FRMPD2: variants seen among roughly 807,000 people sequenced by gnomAD.
The protein encoded by FRMPD2 is FERM and PDZ domain-containing protein 2.
Under a neutral mutation model 140.1 loss-of-function variants are expected in FRMPD2, and 96 were observed. That is an observed-to-expected ratio of 0.69 (90% CI 0.58 to 0.81). The LOEUF (loss-of-function observed/expected upper bound fraction) is 0.81. Among genes scored for constraint, FRMPD2 ranks in the 40% least tolerant of loss-of-function variants. FRMPD2 has a pLI of 0.00. For missense variants in FRMPD2, 1,240 were observed against 1,447.4 expected (o/e 0.86, Z 2.32); for synonymous variants, 449 against 547.6 (o/e 0.82, Z 2.52).
chr10:48,209,981 A>AG (rs769141996), intron 13 of FRMPD2, among the ~76,000 whole-genome samples: 22 of 152,216 alleles, frequency 1.4e-4, no homozygotes, highest in Non-Finnish European at 2.9e-4. Flanking sequence ...GTGCATGTAT[A>AG]ATATAAAGCT....
intron 17 of FRMPD2, among the ~76,000 whole-genome samples, chr10:48,186,806 A>T (rs1185018266): frequency 6.6e-6 from 1 of 152,188 alleles, no homozygotes; most frequent in Admixed American, 6.5e-5. Context: ...ACTGGCCAGG[A>T]GGATGCATGG....
intron 13 of FRMPD2, among the ~76,000 whole-genome samples, chr10:48,209,883 T>C (rs1329985938): frequency 1.3e-5 from 2 of 152,180 alleles, no homozygotes; most frequent in Non-Finnish European, 2.9e-5. Flanking sequence ...CAATAGAGCA[T>C]TGAGAGAAAA....
chr10:48,208,263 T>C (rs575602799), intron 13 of FRMPD2, among the ~76,000 whole-genome samples: 1 of 152,324 alleles, frequency 6.6e-6, no homozygotes, highest in Admixed American at 6.5e-5. Flanking sequence ...TCATTAAAAG[T>C]CATTAATAAA....
intron 15 of FRMPD2, among the ~76,000 whole-genome samples, chr10:48,195,005 T>C (rs1193865193): frequency 6.6e-6 from 1 of 152,336 alleles, no homozygotes; most frequent in East Asian, 1.9e-4. Context: ...CATAGCATAA[T>C]TGTGGCACTA....
intron 1 of FRMPD2, among the ~76,000 whole-genome samples, chr10:48,273,632 G>T (rs1461895467): frequency 3.3e-5 from 5 of 152,114 alleles, no homozygotes; most frequent in African/African-American, 1.2e-4. Flanking sequence ...CTCCATTTCG[G>T]CACTTGCTAT....
intron 23 of FRMPD2, among the ~76,000 whole-genome samples, chr10:48,175,429 C>G (rs1293389557): frequency 1.3e-5 from 2 of 151,974 alleles, no homozygotes; most frequent in African/African-American, 4.8e-5. Context: ...TTTTGGAGAC[C>G]AGTAAAAATC....
rs80019561 is a variant in FRMPD2 at position 48,241,776 on chromosome 10, G to A, written c.567+385C>T. Among the ~76,000 whole-genome samples the A allele has an allele frequency of 1.9e-3, 289 of 152,294 alleles. 2 individuals carry two copies. Among genetic ancestry groups the A allele is most frequent in the African/African-American group, 6.5e-3 (272 of 41,552 alleles). The stretch of plus-strand genomic sequence containing the variant: ...GAGGGTACCCAGGGACCACAAAAAC[G>A]AAGTCGGGGAAGGCTTCTGTGCAGA... On this transcript the variant is annotated intron_variant, in intron 5 of 28. Transcript: ENST00000374201.
At chr10:48,241,326 T>C (rs1253706018) in intron 5 of FRMPD2, among the ~76,000 whole-genome samples, 2 of 152,226 alleles carry the variant, frequency 1.3e-5, no homozygotes, top group Non-Finnish European at 2.9e-5. Context: ...GCCACTCAAC[T>C]GGCCTCTAGC....
At chr10:48,256,352 G>T (rs1429298304) in intron 1 of FRMPD2, among the ~76,000 whole-genome samples, 2 of 152,188 alleles carry the variant, frequency 1.3e-5, no homozygotes, top group African/African-American at 2.4e-5. Flanking sequence ...ATATTTTGCA[G>T]CATTTGTAAA....
intron 12 of FRMPD2, among the ~76,000 whole-genome samples, chr10:48,214,472 T>C (rs1839400405): frequency 6.6e-6 from 1 of 152,212 alleles, no homozygotes; most frequent in African/African-American, 2.4e-5. Context: ...GTAACAAATG[T>C]ACATTCTGGT....
chr10:48,267,037 C>T (rs991405418), intron 1 of FRMPD2, among the ~76,000 whole-genome samples: 5 of 152,124 alleles, frequency 3.3e-5, no homozygotes, highest in Admixed American at 6.6e-5. Context: ...CATTTTTACC[C>T]GGAAGTAATG....
chr10:48,175,325 C>A (rs1183388777), intron 23 of FRMPD2, among the ~76,000 whole-genome samples: 1 of 151,922 alleles, frequency 6.6e-6, no homozygotes, highest in African/African-American at 2.4e-5. Context: ...AAAAAAAGGT[C>A]AGGGAGGCAT....
chr10:48,234,991 G>A (rs1048053512), intron 9 of FRMPD2, among the ~76,000 whole-genome samples: 2 of 152,182 alleles, frequency 1.3e-5, no homozygotes, highest in African/African-American at 2.4e-5. Flanking sequence ...ATGTCAGGAA[G>A]GGGTCCCTGG....
chr10:48,238,088 G>T lies in FRMPD2; in HGVS notation c.824C>A (p.Ala275Glu), dbSNP rs111596155. ...LPGADPQDQQ[A>E]GRRLSSGSVH... ...AGATCCAGAGCTGAGCCTCCGGCCC[G>T]CCTGCTGGTCCTGGGGATCTGCTCC... The change falls in exon 8 of 29, where the codon GCG becomes GAG. Residue 275 changes from alanine to glutamate, a missense_variant. Ala to Glu is a moderately radical substitution (Grantham distance 107). Around this residue, in one of 6 missense-constraint regions of FRMPD2, gnomAD observed 1,161 missense variants for 1,055.9 expected, o/e 1.10. Transcript: ENST00000374201. The T allele has an allele frequency of 6.2e-7, 1 of 1,613,200 alleles. No homozygotes were observed. Among genetic ancestry groups the T allele is most frequent in the Non-Finnish European group, 8.5e-7 (1 of 1,180,030 alleles).
intron 1 of FRMPD2, among the ~76,000 whole-genome samples, chr10:48,262,755 G>A (rs190054094): frequency 1.8e-4 from 27 of 152,144 alleles, no homozygotes; most frequent in Admixed American, 1.7e-3. Context: ...AAACTTTATT[G>A]ATTTATTTAT....
At chr10:48,230,937 G>C (rs1037020618) in intron 10 of FRMPD2, among the ~76,000 whole-genome samples, 3 of 152,180 alleles carry the variant, frequency 2.0e-5, no homozygotes, top group Admixed American at 2.0e-4. Flanking sequence ...GCTTCGAAAT[G>C]ACAACCAACA....
intron 15 of FRMPD2, among the ~76,000 whole-genome samples, chr10:48,194,153 G>A (rs1255060434): frequency 6.6e-6 from 1 of 152,184 alleles, no homozygotes. Flanking sequence ...TGCCAGGCGT[G>A]GTGGGAAGCA....
chr10:48,221,051 A>G (rs1839574506), intron 12 of FRMPD2, among the ~76,000 whole-genome samples: 1 of 152,200 alleles, frequency 6.6e-6, no homozygotes, highest in African/African-American at 2.4e-5. Context: ...AAGAACTAAA[A>G]GTAGAACTAC....
At chr10:48,264,494 A>G (rs989220594) in intron 1 of FRMPD2, among the ~76,000 whole-genome samples, 1 of 152,156 alleles carries the variant, frequency 6.6e-6, no homozygotes, top group Non-Finnish European at 1.5e-5. Context: ...CAGCAATGAC[A>G]ACTGAAATGT....
Sources: allele counts gnomAD v4.1 joint callset (sites outside exome capture counted in the v4.1 genomes callset), GRCh38; gene constraint gnomAD v4.1.1; regional missense constraint gnomAD v4.1.1; transcripts MANE v1.5; gene names NCBI Gene and HGNC (gene_info 2026-07-23, HGNC 2026-07-21).